C2CD2: variants seen among roughly 807,000 people sequenced by gnomAD.
C2CD2 encodes the protein C2 calcium dependent domain containing 2.
A neutral mutation model predicts 74.3 loss-of-function variants in C2CD2; 43 were observed. That is an observed-to-expected ratio of 0.58 (90% CI 0.45 to 0.75). The LOEUF is 0.75. Ranked by LOEUF, C2CD2 falls within the 30% of genes least tolerant of loss-of-function variation. The probability of loss-of-function intolerance (pLI) is 0.00; values close to 1 mark genes in which losing one functional copy is unlikely to be tolerated. For synonymous variants in C2CD2, 422 were observed against 390.7 expected (o/e 1.08, Z -0.94); for missense variants, 801 against 916.3 (o/e 0.87, Z 1.63).
rs1456715805 is a variant in C2CD2 at position 41,885,262 on chromosome 21, C to T, written c.*3862G>A. 1.3e-5 allele frequency: 2 copies of T among 152,210 alleles called. No homozygotes were observed. Among genetic ancestry groups the T allele is most frequent in the African/African-American group, 2.4e-5 (1 of 41,428 alleles). The allele number at this position is 152,210 out of a possible 1,614,324, so 9.4% of individuals were successfully genotyped here. A position where few individuals can be genotyped will look rare whatever the true frequency, so the allele number is the denominator to read the frequency against. ...CTACTGAGGAATACAATCATTGTCA[C>T]GTAAGTTCATCACCGCACTCCAGCG... On this transcript the variant is annotated 3_prime_UTR_variant, in exon 14 of 14. Coordinates refer to ENST00000380486, the MANE Select transcript of C2CD2 (RefSeq NM_015500.2).
chr21:41,937,150 C>G (rs1212252746), intron 2 of C2CD2, among the ~76,000 whole-genome samples: 1 of 150,176 alleles, frequency 6.7e-6, no homozygotes, highest in African/African-American at 2.5e-5. Flanking sequence ...CGGCATCTCA[C>G]TCTGTTACCC....
chr21:41,899,030 ATGGG>A lies in C2CD2; in HGVS notation c.1870+19_1870+22del. ...AAAGCCACCAAGTGGGGGGCCCGGG[ATGGG>A]GGGCTCGGGAGCAGGTACCTTTATG... On this transcript the variant is annotated intron_variant, in intron 13 of 13. Transcript: ENST00000380486. This position sits in a 1 kb window ranked among gnomAD's most constrained non-coding sequence, Gnocchi z 4.4. 1 of 1,593,746 alleles carries A rather than the reference ATGGG, an allele frequency of 6.3e-7. No homozygotes were observed. Among genetic ancestry groups the A allele is most frequent in the Non-Finnish European group, 8.6e-7 (1 of 1,165,912 alleles).
In C2CD2 at chr21:41,923,204, A is replaced by G. The variant is rs1420275188; in HGVS notation, c.379-1119T>C. ...TAGAGACGGGGTTTCACCATTAGCC[A>G]GGAGGGTCTCGATCTCCTCACCTCG... On this transcript the variant is annotated intron_variant, in intron 2 of 13. Transcript: ENST00000380486. This position sits in a 1 kb window ranked among gnomAD's most constrained non-coding sequence, Gnocchi z 5.8. Among the ~76,000 whole-genome samples, 1 of 152,062 alleles carries G rather than the reference A, an allele frequency of 6.6e-6. No individual in the cohort carries two copies. The highest frequency in any genetic ancestry group is 1.5e-5 in the Non-Finnish European group (1 of 68,004).
At chr21:41,942,094 G>T (rs59312488) in intron 2 of C2CD2, 53 bp downstream of exon 2, 7 of 1,541,406 alleles carry the variant, frequency 4.5e-6, no homozygotes, top group South Asian at 2.4e-5. Flanking sequence ...CAAACTCCCC[G>T]TCCCCGGCAT....
In C2CD2 at chr21:41,907,090, T is replaced by A. The variant is rs77708712; in HGVS notation, c.1220A>T (p.Asp407Val). 6.2e-7 allele frequency: 1 copy of A among 1,613,862 alleles called. No individual in the cohort carries two copies. The highest frequency in any genetic ancestry group is 1.7e-5 in the Admixed American group (1 of 60,026). ...PPVPAAKIEK[D>V]RTVMPCGTVV... ...AGTCCCACAGGGCATCACCGTGCGG[T>A]CCTTTTCTATTTTTGCAGCAGGAAC... Residue 407 changes from aspartate (D) to valine (V), a missense_variant, in exon 10 of 14, where the codon GAC (aspartate) becomes GTC (valine). Transcript: ENST00000380486.
At chr21:41,890,676 T>C (rs974914020) in intron 13 of C2CD2, among the ~76,000 whole-genome samples, 1 of 152,196 alleles carries the variant, frequency 6.6e-6, no homozygotes, top group African/African-American at 2.4e-5. Context: ...CCAATAAACA[T>C]TTCAATAGCC....
intron 13 of C2CD2, among the ~76,000 whole-genome samples, chr21:41,891,665 C>T (rs1270316263): frequency 6.6e-6 from 1 of 152,096 alleles, no homozygotes; most frequent in African/African-American, 2.4e-5. Context: ...TCTTGGAGGC[C>T]CTGAAGGGCC....
At chr21:41,917,985 C>A in intron 5 of C2CD2, 120 bp downstream of exon 5, 1 of 1,162,268 alleles carries the variant, frequency 8.6e-7, no homozygotes. Flanking sequence ...AGCACCCGAG[C>A]CATCTTGGCT....
chr21:41,905,874 G>A (rs755721592), intron 10 of C2CD2, 37 bp from the exon 11 acceptor site: 11 of 1,114,644 alleles, frequency 9.9e-6, no homozygotes, highest in East Asian at 2.3e-5. Context: ...AAGCGGCCCC[G>A]TGGCTGACTG....
Position 41,945,969 on chromosome 21 carries a change from T to C in C2CD2, c.280-3724A>G, listed in dbSNP as rs543825052. On this transcript the variant is annotated intron_variant, in intron 1 of 13. Coordinates refer to ENST00000380486, the MANE Select transcript of C2CD2 (RefSeq NM_015500.2). The surrounding 1 kb of genome is among the most constrained non-coding windows in gnomAD (Gnocchi z 4.2). The stretch of plus-strand genomic sequence containing the variant: ...AACAATATAATAAATAGTGATAGTA[T>C]GGGATTATAACCCACAGAATAAAAT... Among the ~76,000 whole-genome samples the C allele has an allele frequency of 1.1e-3, 170 of 152,350 alleles. 1 individual carries two copies. The highest frequency in any genetic ancestry group is 3.7e-3 in the African/African-American group (155 of 41,590).
intron 7 of C2CD2, 32 bp downstream of exon 7, chr21:41,912,300 G>A: frequency 7.3e-7 from 1 of 1,373,316 alleles, no homozygotes; most frequent in Non-Finnish European, 1.0e-6. Flanking sequence ...CACGGCCGTG[G>A]ACACACAGGC....
chr21:41,953,352 G>T lies in C2CD2; in HGVS notation c.279+18C>A. The T allele has an allele frequency of 7.2e-7, 1 of 1,386,954 alleles. No homozygotes were observed. Among genetic ancestry groups the T allele is most frequent in the Non-Finnish European group, 9.4e-7 (1 of 1,062,284 alleles). 85.9% of individuals were successfully genotyped at this position (1,386,954 alleles called of 1,614,324 possible). Reference sequence around the variant, plus strand: ...CCCGGCATCTGCCGCCCCCCGGCCCGCAGTCCCGGAAACTCACCCCTTTCC... The same window carrying T: ...CCCGGCATCTGCCGCCCCCCGGCCCTCAGTCCCGGAAACTCACCCCTTTCC... On this transcript the variant is annotated intron_variant, in intron 1 of 13. Coordinates refer to ENST00000380486, the MANE Select transcript of C2CD2 (RefSeq NM_015500.2).
At chr21:41,928,559 A>AAAAAAAAAAAAAAAC (rs2065236158) in intron 2 of C2CD2, among the ~76,000 whole-genome samples, 1 of 151,326 alleles carries the variant, frequency 6.6e-6, no homozygotes, top group African/African-American at 2.4e-5. Flanking sequence ...AAAAAAAAAA[A>AAAAAAAAAAAAAAAC]AAAAAAAAAG....
chr21:41,899,239 C>G lies in C2CD2; in HGVS notation c.1684G>C (p.Glu562Gln). The change falls in exon 13 of 14, where the codon GAA becomes CAA. Residue 562 changes from glutamate to glutamine, a missense_variant. Physicochemically the swap from Glu to Gln is conservative, Grantham distance 29. Transcript: ENST00000380486. The surrounding 1 kb of genome is among the most constrained non-coding windows in gnomAD (Gnocchi z 4.4). ...AGGGATGCCTGGGCTGACTCGGCTT[C>G]CTCTGGCGGGGCAGAGGCTGCCGCC... ...ERAAASAPPE[E>Q]AESAQASLAP... 1 of 1,612,546 alleles carries G rather than the reference C, an allele frequency of 6.2e-7. No homozygotes were observed. The highest frequency in any genetic ancestry group is 8.5e-7 in the Non-Finnish European group (1 of 1,179,702).
chr21:41,943,450 A>G (rs2065372270), intron 1 of C2CD2, among the ~76,000 whole-genome samples: 1 of 152,220 alleles, frequency 6.6e-6, no homozygotes, highest in African/African-American at 2.4e-5. Flanking sequence ...AAACGTGTAC[A>G]TCAACAACAC....
intron 13 of C2CD2, among the ~76,000 whole-genome samples, chr21:41,896,633 C>T (rs1019157287): frequency 7.2e-5 from 10 of 139,628 alleles, no homozygotes; most frequent in Non-Finnish European, 1.3e-4. Context: ...CAGGAGGATT[C>T]GAAATACACA....
intron 2 of C2CD2, among the ~76,000 whole-genome samples, chr21:41,938,811 G>A (rs987490182): frequency 7.4e-5 from 11 of 149,182 alleles, no homozygotes; most frequent in East Asian, 3.9e-4. Flanking sequence ...GCGTGATCTC[G>A]GCTCACTGCA....
intron 7 of C2CD2, among the ~76,000 whole-genome samples, chr21:41,911,949 G>T (rs968163518): frequency 6.6e-6 from 1 of 152,108 alleles, no homozygotes; most frequent in African/African-American, 2.4e-5. Context: ...CGATTCTCCC[G>T]TCTCTGCCAC....
At chr21:41,904,110 GGT>G (rs1283588479) in intron 11 of C2CD2, among the ~76,000 whole-genome samples, 1 of 152,172 alleles carries the variant, frequency 6.6e-6, no homozygotes, top group African/African-American at 2.4e-5. Context: ...AACAGGATGT[GGT>G]AAAGAAGCCG....
Sources: allele counts gnomAD v4.1 joint callset (sites outside exome capture counted in the v4.1 genomes callset), GRCh38; gene constraint gnomAD v4.1.1; non-coding constraint Gnocchi (gnomAD v3.1); transcripts MANE v1.5; gene names NCBI Gene and HGNC (gene_info 2026-07-23, HGNC 2026-07-21).